RPS6KA2: variants seen among roughly 807,000 people sequenced by gnomAD.
The protein encoded by RPS6KA2 is ribosomal protein S6 kinase A2.
In RPS6KA2, 42 loss-of-function variants were observed where a neutral mutation model predicts 91.8. That is an observed-to-expected ratio of 0.46 (90% CI 0.36 to 0.59). RPS6KA2 has a LOEUF of 0.59. Among genes scored for constraint, RPS6KA2 ranks in the 20% least tolerant of loss-of-function variants. The probability of loss-of-function intolerance (pLI) is 0.00; values close to 1 mark genes in which losing one functional copy is unlikely to be tolerated. For missense variants in RPS6KA2, 798 were observed against 978.5 expected (o/e 0.82, Z 2.46); for synonymous variants, 414 against 393.6 (o/e 1.05, Z -0.61).
chr6:166,690,558 C>A (rs958365277), intron 2 of RPS6KA2, among the ~76,000 whole-genome samples: 4 of 152,164 alleles, frequency 2.6e-5, no homozygotes, highest in Non-Finnish European at 4.4e-5. Context: ...CTCGAAGACA[C>A]GCGTCGGAAC....
Position 166,784,706 on chromosome 6 carries a change from C to T in RPS6KA2, c.123+73494G>A, listed in dbSNP as rs1320915534. Reference sequence around the variant, plus strand: ...ACATATATACACGTGCACACCTATGCATAACCACATATGCACACGTGCACA... The same window carrying T: ...ACATATATACACGTGCACACCTATGTATAACCACATATGCACACGTGCACA... On this transcript the variant is annotated intron_variant, in intron 2 of 21. Transcript: ENST00000503859. 2.7e-5 allele frequency among the ~76,000 whole-genome samples: 3 copies of T among 111,262 alleles called. 1 individual carries two copies. The highest frequency in any genetic ancestry group is 3.9e-5 in the Non-Finnish European group (2 of 50,852). The allele number at this position is 111,262 out of a possible 152,430, so 73.0% of individuals were successfully genotyped here. A position where few individuals can be genotyped will look rare whatever the true frequency, so the allele number is the denominator to read the frequency against.
At chr6:166,464,532 T>C (rs1562512119) in intron 11 of RPS6KA2, among the ~76,000 whole-genome samples, 1 of 152,214 alleles carries the variant, frequency 6.6e-6, no homozygotes, top group Non-Finnish European at 1.5e-5. Context: ...TCCAGCATCA[T>C]CATTCACTGC....
chr6:166,628,873 T>G (rs1304096254), upstream of RPS6KA2, among the ~76,000 whole-genome samples: 1 of 152,266 alleles, frequency 6.6e-6, no homozygotes, highest in Non-Finnish European at 1.5e-5. Flanking sequence ...TTAAAGGATC[T>G]ATAATGACTA....
chr6:166,827,486 T>C (rs1031924542), intron 2 of RPS6KA2, among the ~76,000 whole-genome samples: 1 of 152,204 alleles, frequency 6.6e-6, no homozygotes, highest in African/African-American at 2.4e-5. Context: ...CTCCTGAATA[T>C]ATACATAGTT....
At chr6:166,796,909 G>A (rs748363944) in intron 2 of RPS6KA2, among the ~76,000 whole-genome samples, 17 of 152,312 alleles carry the variant, frequency 1.1e-4, no homozygotes, top group African/African-American at 4.1e-4. Flanking sequence ...CTTTTCTCCC[G>A]CTAATCTGGC....
At position 166,732,348 on chromosome 6, in the gene RPS6KA2, C is replaced by T. The variant is rs1460655955; in HGVS notation, c.123+125852G>A. On this transcript the variant is annotated intron_variant, in intron 2 of 21. Coordinates refer to the RPS6KA2 transcript ENST00000503859. This position sits in a 1 kb window ranked among gnomAD's most constrained non-coding sequence, Gnocchi z 4.0. ...TCAGAAATATCTCAGAAAAGTCCAC[C>T]ATGAAGCCAGTGGCACATGGGGTCT... 6.6e-6 allele frequency among the ~76,000 whole-genome samples: 1 copy of T among 152,114 alleles called. No homozygotes were observed. Among genetic ancestry groups the T allele is most frequent in the Non-Finnish European group, 1.5e-5 (1 of 68,026 alleles).
rs1283880989 is a variant in RPS6KA2 at position 166,500,686 on chromosome 6, G to A, written c.604+201C>T. Among the ~76,000 whole-genome samples, 2 of 152,158 alleles carry A rather than the reference G, an allele frequency of 1.3e-5. No individual in the cohort carries two copies. The highest frequency in any genetic ancestry group is 2.9e-5 in the Non-Finnish European group (2 of 68,022). On this transcript the variant is annotated intron_variant, in intron 7 of 20. Coordinates refer to ENST00000265678, the MANE Select transcript of RPS6KA2 (RefSeq NM_021135.6). This position sits in a 1 kb window ranked among gnomAD's most constrained non-coding sequence, Gnocchi z 4.3. ...GGAGAGGGAAAAGAAGGGGCCACCGGGAAGCTGCATGGGTCTGGACGTTAT... is the reference window on the plus strand; with the variant it reads ...GGAGAGGGAAAAGAAGGGGCCACCGAGAAGCTGCATGGGTCTGGACGTTAT...
At chr6:166,462,731 G>A (rs1780365041) in intron 11 of RPS6KA2, among the ~76,000 whole-genome samples, 1 of 152,190 alleles carries the variant, frequency 6.6e-6, no homozygotes, top group South Asian at 2.1e-4. Context: ...ACGGCAGCAG[G>A]AGGAAGCCCG....
At chr6:166,702,133 G>A (rs1789543218) in intron 2 of RPS6KA2, 1 of 1,557,410 alleles carries the variant, frequency 6.4e-7, no homozygotes, top group Non-Finnish European at 8.9e-7. Flanking sequence ...TTTCTTTACG[G>A]TGGACATCGA....
chr6:166,598,497 G>A (rs1026283254), intron 1 of RPS6KA2, among the ~76,000 whole-genome samples: 3 of 152,206 alleles, frequency 2.0e-5, no homozygotes, highest in African/African-American at 7.2e-5. Flanking sequence ...TGGAGCTAAT[G>A]GCATTGCAAA....
intron 2 of RPS6KA2, among the ~76,000 whole-genome samples, chr6:166,744,427 G>A (rs150684907): frequency 1.3e-5 from 2 of 152,220 alleles, no homozygotes. Context: ...GCTGCCCGCT[G>A]AGGCCTCTGG....
At chr6:166,566,771 C>A (rs900536030) in intron 1 of RPS6KA2, among the ~76,000 whole-genome samples, 1 of 152,208 alleles carries the variant, frequency 6.6e-6, no homozygotes, top group Non-Finnish European at 1.5e-5. Flanking sequence ...GAGCTCTGAG[C>A]CAGTCCCTGA....
chr6:166,446,358 G>A (rs1779679565), intron 14 of RPS6KA2, among the ~76,000 whole-genome samples: 1 of 152,208 alleles, frequency 6.6e-6, no homozygotes, highest in Non-Finnish European at 1.5e-5. Flanking sequence ...GTTAATTTAT[G>A]CATCTTCCAG....
chr6:166,743,748 G>C (rs561195701), intron 2 of RPS6KA2, among the ~76,000 whole-genome samples: 5 of 152,246 alleles, frequency 3.3e-5, no homozygotes, highest in Admixed American at 3.3e-4. Context: ...CCCGTAGAAC[G>C]TTAACAAACC....
rs1784123449 is a variant in RPS6KA2, at chr6:166,554,601, C to T, written c.100-15817G>A. 6.6e-6 allele frequency among the ~76,000 whole-genome samples: 1 copy of T among 152,162 alleles called. No individual in the cohort carries two copies. Among genetic ancestry groups the T allele is most frequent in the Admixed American group, 6.5e-5 (1 of 15,282 alleles). ...GCGATGTGAGAACTCGCGGCTGGCA[C>T]GCGGGTGGCCATGGGGGGGTGGGGG... On this transcript the variant is annotated intron_variant, in intron 1 of 20. Coordinates refer to ENST00000265678, the MANE Select transcript of RPS6KA2 (RefSeq NM_021135.6). The surrounding 1 kb of genome is among the most constrained non-coding windows in gnomAD (Gnocchi z 4.3).
At chr6:166,851,847 A>G (rs1480954651) in intron 2 of RPS6KA2, among the ~76,000 whole-genome samples, 1 of 152,220 alleles carries the variant, frequency 6.6e-6, no homozygotes, top group Non-Finnish European at 1.5e-5. Flanking sequence ...AGAAAGGAAT[A>G]ACCAGAAGGA....
At chr6:166,657,563 G>A (rs1788039846) in intron 2 of RPS6KA2, among the ~76,000 whole-genome samples, 1 of 152,200 alleles carries the variant, frequency 6.6e-6, no homozygotes, top group Non-Finnish European at 1.5e-5. Context: ...GTGTTGGTGA[G>A]CAGTTATTAT....
intron 2 of RPS6KA2, among the ~76,000 whole-genome samples, chr6:166,787,280 T>C (rs964913175): frequency 2.6e-5 from 4 of 152,194 alleles, no homozygotes; most frequent in Non-Finnish European, 5.9e-5. Flanking sequence ...ACTAATAAAT[T>C]ATGGTACAGC....
intron 1 of RPS6KA2, among the ~76,000 whole-genome samples, chr6:166,572,975 C>T (rs1414258597): frequency 3.3e-5 from 5 of 152,218 alleles, no homozygotes; most frequent in African/African-American, 1.2e-4. Flanking sequence ...GAGCGGAGCA[C>T]AGGAAAGGAA....
Sources: gnomAD v4.1 joint callset for allele counts (sites outside exome capture counted in the v4.1 genomes callset) on GRCh38, gnomAD v4.1.1 for gene constraint, Gnocchi (gnomAD v3.1) non-coding constraint, MANE v1.5 for transcripts, NCBI Gene and HGNC (gene_info 2026-07-23, HGNC 2026-07-21) for gene names.